KCNC4: variants seen among roughly 807,000 people sequenced by gnomAD.
The protein encoded by KCNC4 is voltage-gated potassium channel KCNC4.
KCNC4 carries 23 observed loss-of-function variants against 42.8 expected under a neutral mutation model. That is an observed-to-expected ratio of 0.54 (90% confidence interval 0.39 to 0.76). The LOEUF is 0.76. KCNC4 is among the 30% of genes least tolerant of loss of function. The pLI, the probability that KCNC4 is intolerant of heterozygous loss-of-function variation, is 0.00. For missense variants in KCNC4, 751 were observed against 898.2 expected (o/e 0.84, Z 2.10); for synonymous variants, 422 against 393.5 (o/e 1.07, Z -0.86).
chr1:110,254,627 A>C (rs1282724315), intron 1 of KCNC4, among the ~76,000 whole-genome samples: 2 of 152,220 alleles, frequency 1.3e-5, no homozygotes, highest in Non-Finnish European at 2.9e-5. Flanking sequence ...AATTAATTGA[A>C]TGACATGTGC....
downstream of KCNC4, among the ~76,000 whole-genome samples, chr1:110,252,933 G>C (rs1313265448): frequency 6.6e-6 from 1 of 152,164 alleles, no homozygotes; most frequent in Non-Finnish European, 1.5e-5. Flanking sequence ...GGCCAATTAT[G>C]CTTGCCCAAG....
chr1:110,247,670 T>C (rs1485139433), exon 4 of KCNC4: 2 of 151,422 alleles, frequency 1.3e-5, no homozygotes, highest in Non-Finnish European at 2.9e-5. Context: ...TTCTTCTGCC[T>C]CAGCCTCTCA....
chr1:110,232,962 C>T lies in KCNC4; in HGVS notation c.1871C>T (p.Thr624Ile). ...AACTATGCCCAGGCTGAAGTCCTCA[C>T]CCTCTCTTAAAGCGGCACCAACGTG... ...SSNYAQAEVL[T>I]LS is the part of the protein sequence containing the mutation. Residue 624 changes from threonine to isoleucine, a missense_variant, in exon 4 of 4, where the codon ACC (threonine) becomes ATC (isoleucine). Physicochemically the swap from Thr to Ile is moderately conservative, Grantham distance 89. Transcript: ENST00000438661. 6.2e-7 allele frequency: 1 copy of T among 1,611,108 alleles called. No homozygotes were observed. The highest frequency in any genetic ancestry group is 8.5e-7 in the Non-Finnish European group (1 of 1,178,824).
intron 3 of KCNC4, chr1:110,232,505 A>C: frequency 7.0e-7 from 1 of 1,438,314 alleles, no homozygotes; most frequent in South Asian, 1.5e-5. Flanking sequence ...CCTCCATGCA[A>C]GGCTGCAGAG....
chr1:110,224,153 G>C (rs1036824816), intron 2 of KCNC4: 43 of 487,436 alleles, frequency 8.8e-5, no homozygotes, highest in Non-Finnish European at 1.4e-4. Context: ...GCAGTACATG[G>C]GGCTGTATAT....
intron 1 of KCNC4, among the ~76,000 whole-genome samples, chr1:110,262,468 C>T (rs1020924913): frequency 2.6e-5 from 4 of 152,178 alleles, no homozygotes; most frequent in African/African-American, 9.7e-5. Flanking sequence ...CCAACCCTAC[C>T]CTGCCCCAGT....
downstream of KCNC4, chr1:110,235,979 C>T (rs899363064): frequency 2.0e-5 from 3 of 152,214 alleles, no homozygotes; most frequent in East Asian, 1.9e-4. Flanking sequence ...AGAAATGAGT[C>T]GGCGCCTGTA....
At chr1:110,214,497 T>C (rs998389295) in intron 1 of KCNC4, among the ~76,000 whole-genome samples, 1 of 152,240 alleles carries the variant, frequency 6.6e-6, no homozygotes, top group Admixed American at 6.5e-5. Flanking sequence ...CTGCTCATTA[T>C]TGAGCACCCC....
chr1:110,262,724 C>T (rs1659476478), intron 1 of KCNC4, among the ~76,000 whole-genome samples: 1 of 152,214 alleles, frequency 6.6e-6, no homozygotes, highest in East Asian at 1.9e-4. Context: ...CTTCCTCTCC[C>T]CTACTAAGTG....
chr1:110,234,641 T>A (rs1658858904), downstream of KCNC4: 1 of 152,188 alleles, frequency 6.6e-6, no homozygotes, highest in Non-Finnish European at 1.5e-5. Flanking sequence ...GCTTCATGGG[T>A]GTGCAACCTG....
downstream of KCNC4, chr1:110,234,216 A>C (rs1658846410): frequency 6.6e-6 from 1 of 152,198 alleles, no homozygotes; most frequent in African/African-American, 2.4e-5. Context: ...CAGAGAGGGC[A>C]AGTCATCTGC....
At chr1:110,241,419 G>A (rs1557868089) in exon 4 of KCNC4, 1 of 152,120 alleles carries the variant, frequency 6.6e-6, no homozygotes, top group South Asian at 2.1e-4. Flanking sequence ...AACTTGTGGA[G>A]TGACAGCCTT....
At position 110,232,245 on chromosome 1, in the gene KCNC4, C is replaced by T. The variant is rs1185486487; in HGVS notation, c.1820-666C>T. 16 of 1,614,028 alleles carry T rather than the reference C, an allele frequency of 9.9e-6. 1 individual carries two copies. The East Asian group carries it at 2.7e-4, about 27-fold the overall frequency. ...GGCACATTCGTCCTCCGTGACCTTCCCCTTCAGCATTCACCTGAGGCTGCA... is the reference window on the plus strand; with the variant it reads ...GGCACATTCGTCCTCCGTGACCTTCTCCTTCAGCATTCACCTGAGGCTGCA... On this transcript the variant is annotated intron_variant, in intron 3 of 3. Coordinates refer to ENST00000438661, the MANE Select transcript of KCNC4 (RefSeq NM_001039574.3).
chr1:110,259,436 C>G (rs1429035789), intron 1 of KCNC4, among the ~76,000 whole-genome samples: 1 of 152,230 alleles, frequency 6.6e-6, no homozygotes, highest in Non-Finnish European at 1.5e-5. Flanking sequence ...CTTCATCTTA[C>G]TAAATGGACA....
chr1:110,233,118 C>T lies in KCNC4; in HGVS notation c.*146C>T. The T allele has an allele frequency of 2.0e-6, 2 of 997,550 alleles. No homozygotes were observed. Among genetic ancestry groups the T allele is most frequent in the Middle Eastern group, 2.3e-4 (1 of 4,262 alleles). The allele number at this position is 997,550 out of a possible 1,614,324, so 61.8% of individuals were successfully genotyped here. On this transcript the variant is annotated 3_prime_UTR_variant, in exon 4 of 4. Transcript: ENST00000438661. ...ACTGGTGGAAAATCTCCCATGCGAC[C>T]CTCGGGGCCCAGAGCCATCTGGGTC...
At chr1:110,218,473 C>T (rs1021980499) in intron 1 of KCNC4, among the ~76,000 whole-genome samples, 1 of 152,174 alleles carries the variant, frequency 6.6e-6, no homozygotes, top group Non-Finnish European at 1.5e-5. Flanking sequence ...CCCCTATCCT[C>T]CCACCCGTTA....
chr1:110,274,771 C>G (rs4568835), intron 1 of KCNC4, among the ~76,000 whole-genome samples: 42,444 of 152,062 alleles, frequency 0.28, 6,326 homozygotes, highest in Admixed American at 0.42. Flanking sequence ...GGAAAGGATA[C>G]CCTTTTCAAT....
At position 110,210,517 on chromosome 1, in the gene KCNC4, G is replaced by A. The variant is rs1001309493; in HGVS notation, c.-983G>A. On this transcript the variant is annotated 5_prime_UTR_variant, in exon 1 of 4. Coordinates refer to ENST00000438661, the MANE Select transcript of KCNC4 (RefSeq NM_001039574.3). ...AGCGCCGCCAGATCGCAGGAACCAG[G>A]CGCCGGGGCGTTGCGCTGAGGCTCC... 6.6e-6 allele frequency among the ~76,000 whole-genome samples: 1 copy of A among 151,506 alleles called. No homozygotes were observed. The highest frequency in any genetic ancestry group is 2.4e-5 in the African/African-American group (1 of 41,366).
intron 1 of KCNC4, among the ~76,000 whole-genome samples, chr1:110,273,074 G>A (rs1334958736): frequency 6.6e-6 from 1 of 152,200 alleles, no homozygotes; most frequent in East Asian, 1.9e-4. Flanking sequence ...GCAAGGAGAG[G>A]AAGGAGGAAA....
Sources: allele counts gnomAD v4.1 joint callset (sites outside exome capture counted in the v4.1 genomes callset), GRCh38; gene constraint gnomAD v4.1.1; transcripts MANE v1.5; gene names NCBI Gene and HGNC (gene_info 2026-07-23, HGNC 2026-07-21).